Variants in SCAMP5 observed in about 807,000 individuals in gnomAD.
SCAMP5 encodes secretory carrier-associated membrane protein 5.
In SCAMP5, 7 loss-of-function variants were observed where a neutral mutation model predicts 28.3. The observed-to-expected ratio is 0.25, with a 90% CI of 0.14 to 0.46. The LOEUF (loss-of-function observed/expected upper bound fraction) is 0.46, where lower values mean the gene tolerates loss of function less well. SCAMP5 is among the 20% of genes least tolerant of loss of function. The probability of loss-of-function intolerance (pLI) is 0.99; values close to 1 mark genes in which losing one functional copy is unlikely to be tolerated. For missense variants in SCAMP5, 192 were observed against 312.5 expected (o/e 0.61, Z 2.91); for synonymous variants, 117 against 116.4 (o/e 1.00, Z -0.03).
chr15:75,015,459 G>A (rs1012664308), intron 3 of SCAMP5, among the ~76,000 whole-genome samples: 1 of 151,984 alleles, frequency 6.6e-6, no homozygotes, highest in Non-Finnish European at 1.5e-5. Context: ...CAGAGGGGGG[G>A]GGGCCTGGGT....
chr15:74,996,757 G>A lies in SCAMP5; in HGVS notation c.-49+1084G>A. Among the ~76,000 whole-genome samples the A allele has an allele frequency of 6.6e-6, 1 of 152,236 alleles. No homozygotes were observed. Among genetic ancestry groups the A allele is most frequent in the East Asian group, 1.9e-4 (1 of 5,194 alleles). ...GAGCAGGGCTCTGAAAGAGGGAGATGGTTCTTGCAGGGGCATGATTGGCAG... is the reference window on the plus strand; with the variant it reads ...GAGCAGGGCTCTGAAAGAGGGAGATAGTTCTTGCAGGGGCATGATTGGCAG... On this transcript the variant is annotated intron_variant, in intron 1 of 6. Transcript: ENST00000425597. This position sits in a 1 kb window ranked among gnomAD's most constrained non-coding sequence, Gnocchi z 4.1.
chr15:75,005,831 TCTC>T (rs1480025750), intron 1 of SCAMP5, among the ~76,000 whole-genome samples: 4 of 151,674 alleles, frequency 2.6e-5, no homozygotes, highest in Non-Finnish European at 5.9e-5. Context: ...TTCAAGCAAT[TCTC>T]CTGCCTCAGC....
chr15:75,012,245 C>T (rs1333185322), intron 2 of SCAMP5, among the ~76,000 whole-genome samples: 1 of 152,154 alleles, frequency 6.6e-6, no homozygotes, highest in Non-Finnish European at 1.5e-5. Flanking sequence ...ACCGTGTAGC[C>T]CAGCCCCCAC....
At chr15:75,000,683 C>T (rs915182273) in intron 1 of SCAMP5, among the ~76,000 whole-genome samples, 67 of 120,290 alleles carry the variant, frequency 5.6e-4, no homozygotes, top group Admixed American at 1.3e-3. Context: ...CGCACCCAGC[C>T]TTTTTTTTTT....
intron 1 of SCAMP5, 31 bp downstream of exon 1, chr15:74,995,704 G>C (rs1361383245): frequency 2.6e-5 from 4 of 152,406 alleles, no homozygotes; most frequent in Non-Finnish European, 5.9e-5. Flanking sequence ...TGGGAGGAGA[G>C]CTTTGAAGGG....
chr15:75,016,857 A>G, intron 4 of SCAMP5, 108 bp downstream of exon 4: 2 of 1,017,926 alleles, frequency 2.0e-6, no homozygotes, highest in African/African-American at 1.7e-5. Context: ...CCTCCCCCAA[A>G]CTCACTTTCC....
chr15:75,018,996 T>C lies in SCAMP5; in HGVS notation c.*13T>C. ...CAATGAGATGTGAACCAGCCACGCC[T>C]ACCAGGTGGCAGAGCTGGGGCCATT... On this transcript the variant is annotated 3_prime_UTR_variant, in exon 7 of 7. Transcript: ENST00000425597. The surrounding 1 kb of genome is among the most constrained non-coding windows in gnomAD (Gnocchi z 5.6). 6.7e-7 allele frequency: 1 copy of C among 1,484,260 alleles called. No individual in the cohort carries two copies. Among genetic ancestry groups the C allele is most frequent in the African/African-American group, 1.4e-5 (1 of 69,848 alleles). 91.9% of individuals were successfully genotyped at this position (1,484,260 alleles called of 1,614,324 possible). A position where few individuals can be genotyped will look rare whatever the true frequency, so the allele number is the denominator to read the frequency against.
chr15:75,017,605 A>G (rs190832742), intron 4 of SCAMP5: 53 of 579,300 alleles, frequency 9.1e-5, no homozygotes, highest in Admixed American at 2.5e-4. Flanking sequence ...ATCTATTTCT[A>G]TGCCAATGAG....
intron 1 of SCAMP5, among the ~76,000 whole-genome samples, chr15:74,999,579 G>A (rs567296465): frequency 4.1e-4 from 62 of 151,968 alleles, no homozygotes; most frequent in African/African-American, 1.4e-3. Context: ...GGGCGACAGA[G>A]CGAGACTCCA....
chr15:75,017,546 T>A (rs929755230), intron 4 of SCAMP5: 1 of 534,590 alleles, frequency 1.9e-6, no homozygotes, highest in African/African-American at 1.9e-5. Flanking sequence ...TTGGTGTCAT[T>A]GTCCATCCCC....
intron 3 of SCAMP5, 56 bp downstream of exon 3, chr15:75,012,861 G>A (rs566494507): frequency 1.9e-6 from 3 of 1,588,450 alleles, no homozygotes; most frequent in South Asian, 1.1e-5. Flanking sequence ...AGGAAGACTG[G>A]GCGTGCTGGG....
Position 75,012,786 on chromosome 15 carries a change from C to T in SCAMP5, c.117C>T (p.Arg39=), listed in dbSNP as rs2065824007. 6.2e-7 allele frequency: 1 copy of T among 1,613,930 alleles called. No individual in the cohort carries two copies. The highest frequency in any genetic ancestry group is 1.7e-5 in the Admixed American group (1 of 60,002). The change falls in exon 3 of 7, where the codon CGC becomes CGT. Residue 39 remains arginine, a synonymous_variant. Coordinates refer to ENST00000425597, the MANE Select transcript of SCAMP5 (RefSeq NM_138967.4). The part of the protein sequence containing the change: ...IPPQHVSMTK[R]LYYLWMLNSV... ...CCCAGCATGTCAGCATGACCAAGCG[C>T]CTCTACTACCTCTGGATGTGTGAGT...
At chr15:75,014,454 T>G (rs7342601) in intron 3 of SCAMP5, among the ~76,000 whole-genome samples, 30,400 of 152,022 alleles carry the variant, frequency 0.2, 4,816 homozygotes, top group South Asian at 0.43. Context: ...TGTCGACGGA[T>G]AGTGAGGACA....
Position 75,017,909 on chromosome 15 carries a change from C to T in SCAMP5, c.333C>T (p.Thr111=), listed in dbSNP as rs544243664. 2.5e-6 allele frequency: 4 copies of T among 1,613,942 alleles called. No individual in the cohort carries two copies. Among genetic ancestry groups the T allele is most frequent in the Admixed American group, 1.7e-5 (1 of 60,030 alleles). The stretch of plus-strand genomic sequence containing the variant: ...TCAGTTTCATGGCATTCTTCTTTAC[C>T]TTCATGGCTCAGTTGGTCATCAGCA... ...SSFSFMAFFF[T]FMAQLVISII... Residue 111 remains threonine (T), a synonymous_variant, in exon 5 of 7, where the codon ACC becomes ACT. Transcript: ENST00000425597.
intron 1 of SCAMP5, among the ~76,000 whole-genome samples, chr15:74,999,206 T>A (rs545548519): frequency 1.3e-5 from 2 of 152,324 alleles, no homozygotes; most frequent in Non-Finnish European, 2.9e-5. Context: ...TGCTCTGACC[T>A]CAAGGAGACC....
At chr15:75,016,007 G>A (rs915599624) in intron 3 of SCAMP5, among the ~76,000 whole-genome samples, 20 of 151,850 alleles carry the variant, frequency 1.3e-4, no homozygotes, top group Non-Finnish European at 1.9e-4. Context: ...TTAAGTGCAA[G>A]GTAGATGGCA....
intron 4 of SCAMP5, 57 bp downstream of exon 4, chr15:75,016,806 C>A: frequency 4.4e-6 from 6 of 1,372,914 alleles, no homozygotes; most frequent in Non-Finnish European, 6.0e-6. Flanking sequence ...TCCCCTGTCT[C>A]TTCTCCATAT....
Position 75,018,391 on chromosome 15 carries a change from C to G in SCAMP5, c.396-27C>G. On this transcript the variant is annotated intron_variant, in intron 5 of 6. Transcript: ENST00000425597. This position sits in a 1 kb window ranked among gnomAD's most constrained non-coding sequence, Gnocchi z 5.6. Reference sequence around the variant, plus strand: ...TCCTGGGCACCTCTTATCCTGCCCGCAGCCCCACACTGGCCTCTTCCTGCA... The same window carrying G: ...TCCTGGGCACCTCTTATCCTGCCCGGAGCCCCACACTGGCCTCTTCCTGCA... 1 of 1,471,828 alleles carries G rather than the reference C, an allele frequency of 6.8e-7. No individual in the cohort carries two copies. Among genetic ancestry groups the G allele is most frequent in the Non-Finnish European group, 9.5e-7 (1 of 1,050,450 alleles). 91.2% of individuals were successfully genotyped at this position (1,471,828 alleles called of 1,614,324 possible).
chr15:75,012,885 T>G, intron 3 of SCAMP5, 80 bp downstream of exon 3: 1 of 1,413,976 alleles, frequency 7.1e-7, no homozygotes, highest in South Asian at 1.2e-5. Context: ...CGGGGTGGGG[T>G]GCCCACAGGC....
Sources: gnomAD v4.1 joint callset for allele counts (sites outside exome capture counted in the v4.1 genomes callset) on GRCh38, gnomAD v4.1.1 for gene constraint, Gnocchi (gnomAD v3.1) non-coding constraint, MANE v1.5 for transcripts, NCBI Gene and HGNC (gene_info 2026-07-23, HGNC 2026-07-21) for gene names.